DHX15: variants seen among roughly 807,000 people sequenced by gnomAD.
DHX15 encodes ATP-dependent RNA helicase DHX15.
Under a neutral mutation model 94.4 loss-of-function variants are expected in DHX15, and 11 were observed. That is an observed-to-expected ratio of 0.12 (90% CI 0.07 to 0.19). DHX15 has a LOEUF of 0.19. Among genes scored for constraint, DHX15 ranks in the 10% least tolerant of loss-of-function variants. DHX15 has a pLI of 1.00. For missense variants in DHX15, 304 were observed against 988.5 expected, an observed-to-expected ratio of 0.31 and a Z score of 9.29; for synonymous variants, 338 against 329.9, an observed-to-expected ratio of 1.02 and a Z score of -0.27.
chr4:24,528,188 C>T (rs1206343204), intron 13 of DHX15, 147 bp from the exon 14 acceptor site: 1 of 582,048 alleles, frequency 1.7e-6, no homozygotes, highest in African/African-American at 1.9e-5. Flanking sequence ...AATAACTAAT[C>T]CTTACAAATA....
intron 2 of DHX15, among the ~76,000 whole-genome samples, chr4:24,572,281 C>T (rs1000803298): frequency 2.6e-5 from 4 of 152,102 alleles, no homozygotes; most frequent in Non-Finnish European, 4.4e-5. Flanking sequence ...ACTACAGGCA[C>T]GTGCCACCAC....
intron 6 of DHX15, 53 bp from the exon 7 acceptor site, chr4:24,543,079 G>T: frequency 7.5e-7 from 1 of 1,325,376 alleles, no homozygotes; most frequent in East Asian, 2.6e-5. Context: ...AAAATTAACA[G>T]GACTGTTAAA....
At position 24,547,921 on chromosome 4, in the gene DHX15, ATATATATATATATATATATATCTATATC is replaced by A. The variant is rs1305155913; in HGVS notation, c.1248+906_1248+933del. Among the ~76,000 whole-genome samples the A allele has an allele frequency of 2.8e-4, 25 of 89,176 alleles. 1 individual carries two copies. The highest frequency in any genetic ancestry group is 1.1e-3 in the African/African-American group (23 of 20,588). 58.5% of individuals were successfully genotyped at this position (89,176 alleles called of 152,430 possible). On this transcript the variant is annotated intron_variant, in intron 6 of 13. Coordinates refer to ENST00000336812, the MANE Select transcript of DHX15 (RefSeq NM_001358.3). ...TGTATGTGTATATATATATATATAT[ATATATATATATATATATATATCTATATC>A]TATATCTATATCTATCTGCTGATGG...
chr4:24,536,087 T>C (rs1047126194), intron 11 of DHX15, among the ~76,000 whole-genome samples: 10 of 152,208 alleles, frequency 6.6e-5, no homozygotes, highest in South Asian at 2.1e-4. Flanking sequence ...CTCTCAATTT[T>C]TGCAAATGGT....
At chr4:24,577,358 T>C (rs777853790) in intron 1 of DHX15, among the ~76,000 whole-genome samples, 1 of 152,234 alleles carries the variant, frequency 6.6e-6, no homozygotes, top group African/African-American at 2.4e-5. Context: ...AGTTATACTT[T>C]CCAGCACTTT....
chr4:24,550,312 T>G (rs555142444), intron 5 of DHX15, among the ~76,000 whole-genome samples: 18 of 151,970 alleles, frequency 1.2e-4, no homozygotes, highest in Non-Finnish European at 1.6e-4. Flanking sequence ...TTTCTTTTTT[T>G]TGATATATTT....
At chr4:24,534,519 T>C (rs1222867440) in intron 11 of DHX15, among the ~76,000 whole-genome samples, 1 of 152,114 alleles carries the variant, frequency 6.6e-6, no homozygotes, top group African/African-American at 2.4e-5. Context: ...AATGGGAAAA[T>C]TAAATCTAAA....
chr4:24,582,896 C>T (rs1722450407), intron 1 of DHX15, among the ~76,000 whole-genome samples: 1 of 152,078 alleles, frequency 6.6e-6, no homozygotes, highest in African/African-American at 2.4e-5. Context: ...ATGTCATTGT[C>T]TTTTTTACAA....
intron 7 of DHX15, 103 bp downstream of exon 7, chr4:24,542,836 AG>A: frequency 1.2e-6 from 1 of 855,246 alleles, no homozygotes; most frequent in Non-Finnish European, 1.8e-6. Flanking sequence ...ATAAAAAAAA[AG>A]ATAGGAAAAT....
At chr4:24,567,445 C>G (rs1439061164) in intron 3 of DHX15, among the ~76,000 whole-genome samples, 1 of 151,890 alleles carries the variant, frequency 6.6e-6, no homozygotes, top group Non-Finnish European at 1.5e-5. Flanking sequence ...GGCGTGGTGG[C>G]GGGGGCCTGT....
intron 1 of DHX15, among the ~76,000 whole-genome samples, chr4:24,577,397 C>T (rs1248653902): frequency 6.6e-6 from 1 of 152,080 alleles, no homozygotes; most frequent in East Asian, 1.9e-4. Context: ...ATGTATATTG[C>T]TTTATTAAAA....
chr4:24,566,717 TC>T (rs1340192112), intron 3 of DHX15, among the ~76,000 whole-genome samples: 6 of 152,028 alleles, frequency 3.9e-5, no homozygotes, highest in Admixed American at 3.9e-4. Flanking sequence ...TCTCAGCTAC[TC>T]GGGAGGGTGA....
intron 6 of DHX15, among the ~76,000 whole-genome samples, chr4:24,548,621 T>A (rs1390572515): frequency 6.6e-6 from 1 of 152,246 alleles, no homozygotes; most frequent in East Asian, 1.9e-4. Flanking sequence ...CAACATCCTT[T>A]CTTAACCCAT....
intron 4 of DHX15, among the ~76,000 whole-genome samples, chr4:24,555,372 T>C (rs1721707026): frequency 6.6e-6 from 1 of 152,048 alleles, no homozygotes; most frequent in Non-Finnish European, 1.5e-5. Context: ...ATAAGAGTTC[T>C]TAATTTCTAC....
intron 3 of DHX15, among the ~76,000 whole-genome samples, chr4:24,569,424 C>T (rs1193000019): frequency 6.6e-6 from 1 of 151,908 alleles, no homozygotes; most frequent in African/African-American, 2.4e-5. Context: ...AACCACAACT[C>T]TACTAAAGAT....
At chr4:24,574,232 A>G (rs1460434983) in intron 2 of DHX15, among the ~76,000 whole-genome samples, 1 of 145,640 alleles carries the variant, frequency 6.9e-6, no homozygotes, top group Non-Finnish European at 1.5e-5. Flanking sequence ...AAAAAAAGTT[A>G]AAGTCATTAC....
chr4:24,584,282 C>T (rs1235173230), intron 1 of DHX15, 41 bp downstream of exon 1: 5 of 1,590,090 alleles, frequency 3.1e-6, no homozygotes, highest in Non-Finnish European at 3.4e-6. Flanking sequence ...AGGACCCCAA[C>T]AAAGCCCGAG....
chr4:24,535,339 C>A (rs554595822), intron 11 of DHX15, among the ~76,000 whole-genome samples: 64 of 152,260 alleles, frequency 4.2e-4, no homozygotes, highest in African/African-American at 1.5e-3. Flanking sequence ...ACCATTTTAA[C>A]TTACTACATC....
chr4:24,548,429 C>A (rs574896073), intron 6 of DHX15, among the ~76,000 whole-genome samples: 2 of 151,930 alleles, frequency 1.3e-5, no homozygotes, highest in Non-Finnish European at 2.9e-5. Flanking sequence ...AGGCCTGAGC[C>A]GCCACGCCCG....
Sources: gnomAD v4.1 joint callset for allele counts (sites outside exome capture counted in the v4.1 genomes callset) on GRCh38, gnomAD v4.1.1 for gene constraint, MANE v1.5 for transcripts, NCBI Gene and HGNC (gene_info 2026-07-23, HGNC 2026-07-21) for gene names.